SAMD12: variants seen among roughly 807,000 people sequenced by gnomAD.
SAMD12 encodes sterile alpha motif domain-containing protein 12.
SAMD12 carries 9 observed loss-of-function variants against 15.0 expected under a neutral mutation model. That is an observed-to-expected ratio of 0.60 (90% confidence interval 0.36 to 1.05). SAMD12 has a LOEUF of 1.05. Among genes scored for constraint, SAMD12 ranks in the 50% least tolerant of loss-of-function variants. The pLI is 0.01. For synonymous variants in SAMD12, 86 were observed against 90.1 expected (o/e 0.96, Z 0.25); for missense variants, 230 against 234.2 (o/e 0.98, Z 0.12).
Position 118,378,267 on chromosome 8 carries a change from G to T in SAMD12, c.*1150C>A. The T allele has an allele frequency of 3.0e-6, 1 of 332,572 alleles. No individual in the cohort carries two copies. Among genetic ancestry groups the T allele is most frequent in the Non-Finnish European group, 4.3e-6 (1 of 233,704 alleles). The allele number at this position is 332,572 out of a possible 1,614,324, so 20.6% of individuals were successfully genotyped here. A position where few individuals can be genotyped will look rare whatever the true frequency, so the allele number is the denominator to read the frequency against. ...TTTCACATTGCTGGACCTCTAGGTT[G>T]CTTGTAAATTTTCCGTTTTCCAAAT... On this transcript the variant is annotated 3_prime_UTR_variant, in exon 4 of 4. Transcript: ENST00000314727.
intron 4 of SAMD12, among the ~76,000 whole-genome samples, chr8:118,353,206 T>C (rs1818047824): frequency 6.6e-6 from 1 of 150,840 alleles, no homozygotes; most frequent in South Asian, 2.1e-4. Context: ...TGTTACTACA[T>C]GTAATTTCAA....
chr8:118,451,506 A>G lies in SAMD12; in HGVS notation c.193-11545T>C, dbSNP rs548469311. Among the ~76,000 whole-genome samples, 244 of 152,344 alleles carry G rather than the reference A, an allele frequency of 1.6e-3. 1 individual carries two copies. The highest frequency in any genetic ancestry group is 5.4e-3 in the African/African-American group (226 of 41,584). ...TCTCAATTATACCACTATTAAAGTGAGAAAATACCTACTCTGCCCATTTTA... is the reference window on the plus strand; with the variant it reads ...TCTCAATTATACCACTATTAAAGTGGGAAAATACCTACTCTGCCCATTTTA... On this transcript the variant is annotated intron_variant, in intron 2 of 3. Transcript: ENST00000314727.
At chr8:118,137,409 G>C in the SAMD12 span, among the ~76,000 whole-genome samples, 1 of 152,194 alleles carries the variant, frequency 6.6e-6, no homozygotes, top group East Asian at 1.9e-4. Flanking sequence ...CTTTGCAAAG[G>C]GAGTGGCCTC....
chr8:118,252,922 A>T (rs1163608821), intron 4 of SAMD12, among the ~76,000 whole-genome samples: 1 of 152,204 alleles, frequency 6.6e-6, no homozygotes, highest in Non-Finnish European at 1.5e-5. Context: ...GCCTGTGGGC[A>T]TTCCTGCTGA....
At chr8:118,333,496 C>G (rs78847987) in intron 4 of SAMD12, among the ~76,000 whole-genome samples, 4,034 of 151,974 alleles carry the variant, frequency 0.027, 159 homozygotes, top group African/African-American at 0.09. Flanking sequence ...TAAAATATTC[C>G]CTAGTTGAAG....
chr8:118,492,175 T>C (rs1281276924), intron 2 of SAMD12, among the ~76,000 whole-genome samples: 3 of 151,746 alleles, frequency 2.0e-5, no homozygotes, highest in Non-Finnish European at 4.4e-5. Context: ...TCAAGTAGTA[T>C]TTCATTGTGA....
intron 2 of SAMD12, among the ~76,000 whole-genome samples, chr8:118,454,413 G>C (rs1333692148): frequency 6.6e-6 from 1 of 152,104 alleles, no homozygotes; most frequent in Non-Finnish European, 1.5e-5. Context: ...TCATGAGAAT[G>C]TGCTTAGATA....
In SAMD12 at chr8:118,487,421, T is replaced by C. The variant is rs117994154; in HGVS notation, c.193-47460A>G. Among the ~76,000 whole-genome samples the C allele has an allele frequency of 8.2e-3, 1,246 of 152,276 alleles. 6 individuals are homozygous for C. Among genetic ancestry groups the C allele is most frequent in the Non-Finnish European group, 0.012 (832 of 68,016 alleles). On this transcript the variant is annotated intron_variant, in intron 2 of 3. Coordinates refer to ENST00000314727, the MANE Select transcript of SAMD12 (RefSeq NM_207506.3). ...CAGGCCACACTGAACGTACATCAGA[T>C]ACCTTCATTATTTCAGAGTTCCCCT... is the stretch of plus-strand genomic sequence containing the variant.
At chr8:118,404,832 T>C (rs946989836) in intron 3 of SAMD12, among the ~76,000 whole-genome samples, 2 of 152,140 alleles carry the variant, frequency 1.3e-5, no homozygotes, top group African/African-American at 2.4e-5. Flanking sequence ...TTCATGTTTT[T>C]ATTATTTTTA....
At chr8:118,249,593 A>G (rs62532666) in intron 4 of SAMD12, among the ~76,000 whole-genome samples, 2,469 of 152,248 alleles carry the variant, frequency 0.016, 31 homozygotes, top group Non-Finnish European at 0.022. Flanking sequence ...TGGTCTCCCA[A>G]GTTATTTTAT....
intron 2 of SAMD12, among the ~76,000 whole-genome samples, chr8:118,580,074 C>T (rs1177477672): frequency 6.6e-6 from 1 of 152,182 alleles, no homozygotes; most frequent in Non-Finnish European, 1.5e-5. Context: ...AAGCATACTA[C>T]AGCAGAATAA....
At chr8:118,615,048 C>G (rs1275760920) in intron 1 of SAMD12, among the ~76,000 whole-genome samples, 2 of 152,150 alleles carry the variant, frequency 1.3e-5, no homozygotes, top group Non-Finnish European at 2.9e-5. Context: ...GATAATAGAG[C>G]CCTTAGGAAA....
At chr8:118,429,236 T>C (rs1822327001) in intron 3 of SAMD12, among the ~76,000 whole-genome samples, 2 of 152,202 alleles carry the variant, frequency 1.3e-5, no homozygotes, top group African/African-American at 4.8e-5. Flanking sequence ...TTCATATAGG[T>C]TAAGCATCCC....
chr8:118,345,049 C>T (rs958656166), intron 4 of SAMD12, among the ~76,000 whole-genome samples: 2 of 152,160 alleles, frequency 1.3e-5, no homozygotes, highest in Non-Finnish European at 2.9e-5. Context: ...CGCTGACTCA[C>T]CCAGAGCAAC....
At chr8:118,478,262 C>T (rs1824022157) in intron 2 of SAMD12, among the ~76,000 whole-genome samples, 1 of 152,124 alleles carries the variant, frequency 6.6e-6, no homozygotes, top group Admixed American at 6.6e-5. Context: ...TATTTTCTTC[C>T]ATCAGAGTGT....
chr8:118,439,051 C>T (rs533219866), intron 3 of SAMD12, among the ~76,000 whole-genome samples: 19 of 152,216 alleles, frequency 1.2e-4, no homozygotes, highest in Middle Eastern at 3.4e-3. Context: ...TGGGCTTCCA[C>T]GGTGGGCATA....
intron 4 of SAMD12, among the ~76,000 whole-genome samples, chr8:118,283,558 G>A (rs1256457669): frequency 2.6e-5 from 4 of 152,088 alleles, no homozygotes; most frequent in Non-Finnish European, 4.4e-5. Context: ...AATCTGAATC[G>A]GCACATAAGA....
intron 2 of SAMD12, among the ~76,000 whole-genome samples, chr8:118,544,331 G>A (rs1232070397): frequency 6.6e-6 from 1 of 152,180 alleles, no homozygotes; most frequent in East Asian, 1.9e-4. Flanking sequence ...AGAAAAGGGT[G>A]TTGAAGGATT....
At chr8:118,210,847 C>G (rs1439967546) in intron 4 of SAMD12, among the ~76,000 whole-genome samples, 1 of 152,186 alleles carries the variant, frequency 6.6e-6, no homozygotes, top group African/African-American at 2.4e-5. Context: ...CTCTCAAAGC[C>G]TATCTCTCCC....
Sources: gnomAD v4.1 joint callset for allele counts (sites outside exome capture counted in the v4.1 genomes callset) on GRCh38, gnomAD v4.1.1 for gene constraint, MANE v1.5 for transcripts, NCBI Gene and HGNC (gene_info 2026-07-23, HGNC 2026-07-21) for gene names.